Variants in CNIH3 observed in about 807,000 individuals in gnomAD.
The protein encoded by CNIH3 is cornichon family AMPA receptor auxiliary protein 3, also known as protein cornichon homolog 3.
CNIH3 carries 14 observed loss-of-function variants against 24.1 expected under a neutral mutation model. The ratio of observed to expected loss-of-function variants is 0.58; its 90% CI spans 0.38 to 0.91. The LOEUF (loss-of-function observed/expected upper bound fraction) is 0.91. Ranked by LOEUF, CNIH3 falls within the 40% of genes least tolerant of loss-of-function variation. CNIH3 has a pLI of 0.00. For missense variants in CNIH3, 178 were observed against 196.8 expected (o/e 0.90, Z 0.57); for synonymous variants, 68 against 73.8 (o/e 0.92, Z 0.40).
chr1:224,454,259 T>TTG (rs1219748910), intron 1 of CNIH3: 1 of 895,622 alleles, frequency 1.1e-6, no homozygotes, highest in Non-Finnish European at 1.3e-6. Context: ...ACTAGTAAGT[T>TTG]TTTTTTTTTT....
intron 3 of CNIH3, among the ~76,000 whole-genome samples, chr1:224,549,710 C>T (rs1017450197): frequency 4.6e-5 from 7 of 151,756 alleles, no homozygotes; most frequent in African/African-American, 9.7e-5. Flanking sequence ...TATTATAAAA[C>T]TATGAGAGTG....
chr1:224,547,045 T>C (rs1679730320), intron 3 of CNIH3: 1 of 235,226 alleles, frequency 4.3e-6, no homozygotes. Flanking sequence ...CCTGTGTGCA[T>C]ACACGCAAGG....
rs147476592 is a variant in CNIH3, at chr1:224,577,696, T to A, written n.517-5468T>A. Among the ~76,000 whole-genome samples the A allele has an allele frequency of 4.3e-3, 651 of 152,266 alleles. 3 individuals carry two copies. Among genetic ancestry groups the A allele is most frequent in the African/African-American group, 0.011 (461 of 41,542 alleles). ...AAAGTATTGTAGAACTATTGTTTGA[T>A]CCAGCAATCCCACTACTGGGTATCT... On this transcript the variant is annotated intron_variant and non_coding_transcript_variant, in intron 4 of 5. Transcript: ENST00000471578.
At chr1:224,571,452 C>T (rs564992602) in intron 4 of CNIH3, among the ~76,000 whole-genome samples, 3 of 152,218 alleles carry the variant, frequency 2.0e-5, no homozygotes, top group South Asian at 4.2e-4. Flanking sequence ...GGGCCAGGCG[C>T]GGTGGCTCAT....
chr1:224,559,840 G>C (rs995767324), intron 3 of CNIH3, among the ~76,000 whole-genome samples: 1 of 151,944 alleles, frequency 6.6e-6, no homozygotes, highest in Non-Finnish European at 1.5e-5. Context: ...CCCCTCCCCA[G>C]TTATACTCTT....
At chr1:224,454,518 A>G (rs1275793303) in intron 1 of CNIH3, among the ~76,000 whole-genome samples, 3 of 152,152 alleles carry the variant, frequency 2.0e-5, no homozygotes, top group African/African-American at 7.2e-5. Flanking sequence ...TTTCCTCTGT[A>G]GTTTCGACAG....
At chr1:224,444,969 C>T (rs1409154278) in intron 1 of CNIH3, among the ~76,000 whole-genome samples, 9 of 146,260 alleles carry the variant, frequency 6.2e-5, no homozygotes, top group South Asian at 4.5e-4. Flanking sequence ...TAGTAAACAT[C>T]TTTATTAAAG....
At chr1:224,717,071 C>T (rs780247036) in intron 3 of CNIH3, among the ~76,000 whole-genome samples, 1 of 152,150 alleles carries the variant, frequency 6.6e-6, no homozygotes, top group Non-Finnish European at 1.5e-5. Flanking sequence ...CCTTGCACCA[C>T]GACAGTGGGG....
intron 1 of CNIH3, among the ~76,000 whole-genome samples, chr1:224,502,720 C>G (rs1459952604): frequency 6.6e-6 from 1 of 152,204 alleles, no homozygotes; most frequent in East Asian, 1.9e-4. Flanking sequence ...AAGACTGTCC[C>G]CTTTTCATAG....
At chr1:224,597,401 G>A (rs966154459) in intron 3 of CNIH3, among the ~76,000 whole-genome samples, 1 of 152,182 alleles carries the variant, frequency 6.6e-6, no homozygotes, top group Non-Finnish European at 1.5e-5. Context: ...ATGTTGCTCA[G>A]AGAGATCAAG....
chr1:224,641,352 C>T (rs1684351871), intron 1 of CNIH3, among the ~76,000 whole-genome samples: 1 of 152,194 alleles, frequency 6.6e-6, no homozygotes, highest in African/African-American at 2.4e-5. Context: ...GGGCTGGGAA[C>T]CCTCCCCTCC....
At chr1:224,561,205 AC>A (rs1680360981) in intron 3 of CNIH3, among the ~76,000 whole-genome samples, 1 of 152,182 alleles carries the variant, frequency 6.6e-6, no homozygotes, top group South Asian at 2.1e-4. Context: ...ACTTATCAAA[AC>A]AGAAGCTCTT....
intron 1 of CNIH3, among the ~76,000 whole-genome samples, chr1:224,642,633 C>T (rs1290466606): frequency 6.6e-6 from 1 of 152,150 alleles, no homozygotes; most frequent in Non-Finnish European, 1.5e-5. Context: ...GAGCATGGCT[C>T]CTTACCACTG....
intron 1 of CNIH3, among the ~76,000 whole-genome samples, chr1:224,486,220 C>T (rs1295651327): frequency 2.0e-5 from 3 of 152,134 alleles, no homozygotes; most frequent in African/African-American, 7.2e-5. Context: ...ATCCTCCCAC[C>T]TCAGCCTCCC....
intron 1 of CNIH3, among the ~76,000 whole-genome samples, chr1:224,451,494 G>T (rs1429925228): frequency 6.6e-6 from 1 of 152,152 alleles, no homozygotes; most frequent in South Asian, 2.1e-4. Flanking sequence ...TCACACCAAG[G>T]CTGTGTCTAG....
In CNIH3 at chr1:224,681,022, A is replaced by G. The variant is rs139834667; in HGVS notation, c.146A>G (p.His49Arg). ...CCCATAGACCAGTGCAATCCTGTTCATGCGGTAAGTGGCGGGTACTGGTGA... is the reference window on the plus strand; with the variant it reads ...CCCATAGACCAGTGCAATCCTGTTCGTGCGGTAAGTGGCGGGTACTGGTGA... ...KSPIDQCNPVHARERLRNIER... is the reference protein window; with the variant it reads ...KSPIDQCNPVRARERLRNIER... The change falls in exon 2 of 6, where the codon CAT becomes CGT. Residue 49 changes from histidine (H) to arginine (R), a missense_variant. Physicochemically the swap from His to Arg is conservative, Grantham distance 29. Transcript: ENST00000272133. The G allele has an allele frequency of 8.3e-4, 1,332 of 1,614,012 alleles. 3 individuals carry two copies. Among genetic ancestry groups the G allele is most frequent in the Non-Finnish European group, 6.1e-4 (724 of 1,179,860 alleles).
intron 4 of CNIH3, among the ~76,000 whole-genome samples, chr1:224,575,860 G>A (rs990414509): frequency 2.6e-5 from 4 of 152,062 alleles, no homozygotes; most frequent in African/African-American, 7.2e-5. Context: ...TTACCAACTG[G>A]GCAACTTTGA....
chr1:224,505,967 G>A (rs58632025), intron 1 of CNIH3, among the ~76,000 whole-genome samples: 8,464 of 152,212 alleles, frequency 0.056, 745 homozygotes, highest in African/African-American at 0.19. Flanking sequence ...GAAATGATTG[G>A]CTTAAAGGCT....
downstream of CNIH3, among the ~76,000 whole-genome samples, chr1:224,541,312 C>T (rs1450825705): frequency 2.0e-5 from 3 of 152,180 alleles, no homozygotes; most frequent in East Asian, 5.8e-4. Context: ...TTAAGTGTCA[C>T]TTCCAAATTT....
Sources: allele counts gnomAD v4.1 joint callset (sites outside exome capture counted in the v4.1 genomes callset), GRCh38; gene constraint gnomAD v4.1.1; transcripts MANE v1.5; gene names NCBI Gene and HGNC (gene_info 2026-07-23, HGNC 2026-07-21).